Variants in TMTC2 observed in about 807,000 individuals in gnomAD.
The protein encoded by TMTC2 is protein O-mannosyl-transferase TMTC2.
Under a neutral mutation model 82.4 loss-of-function variants are expected in TMTC2, and 43 were observed. The ratio of observed to expected loss-of-function variants is 0.52; its 90% CI spans 0.41 to 0.67. TMTC2 has a LOEUF of 0.67. TMTC2 is among the 30% of genes least tolerant of loss of function. The pLI is 0.00. For missense variants in TMTC2, 919 were observed against 1,012.4 expected, an observed-to-expected ratio of 0.91 and a Z score of 1.25; for synonymous variants, 408 against 381.9, an observed-to-expected ratio of 1.07 and a Z score of -0.80.
intron 11 of TMTC2, among the ~76,000 whole-genome samples, chr12:83,072,614 C>A (rs1466692365): frequency 6.6e-6 from 1 of 152,056 alleles, no homozygotes; most frequent in Non-Finnish European, 1.5e-5. Flanking sequence ...TGAAGTCCCC[C>A]ACTATTACTA....
chr12:82,968,454 A>C (rs1265136564), intron 7 of TMTC2, among the ~76,000 whole-genome samples: 1 of 152,282 alleles, frequency 6.6e-6, no homozygotes, highest in East Asian at 1.9e-4. Flanking sequence ...TTTGTGTCAA[A>C]ATAAATGCTG....
At chr12:82,846,333 G>A (rs1348926002) in intron 1 of TMTC2, among the ~76,000 whole-genome samples, 1 of 152,002 alleles carries the variant, frequency 6.6e-6, no homozygotes, top group East Asian at 1.9e-4. Context: ...ACTCCAGCCT[G>A]GGCAACAGAA....
chr12:82,786,841 T>C (rs925645270), intron 1 of TMTC2, among the ~76,000 whole-genome samples: 1 of 152,172 alleles, frequency 6.6e-6, no homozygotes, highest in African/African-American at 2.4e-5. Flanking sequence ...TAAAAGTTTT[T>C]GTTTTTGTTA....
At chr12:83,123,561 C>G (rs1312765398) in intron 11 of TMTC2, among the ~76,000 whole-genome samples, 1 of 152,066 alleles carries the variant, frequency 6.6e-6, no homozygotes, top group Non-Finnish European at 1.5e-5. Context: ...TTGTGAAGAT[C>G]ATTTGTTTAA....
At chr12:83,047,295 A>G (rs568084098) in intron 9 of TMTC2, among the ~76,000 whole-genome samples, 3 of 152,306 alleles carry the variant, frequency 2.0e-5, no homozygotes, top group Admixed American at 6.5e-5. Context: ...CCCCAATAAC[A>G]TATCACTTTA....
chr12:83,072,730 A>G (rs541833301), intron 11 of TMTC2, among the ~76,000 whole-genome samples: 5 of 152,234 alleles, frequency 3.3e-5, no homozygotes, highest in African/African-American at 1.2e-4. Context: ...CTGGTGGACA[A>G]GGCCTTTTAC....
At chr12:83,104,643 C>T (rs2137537410) in intron 11 of TMTC2, among the ~76,000 whole-genome samples, 1 of 152,312 alleles carries the variant, frequency 6.6e-6, no homozygotes, top group Middle Eastern at 3.4e-3. Context: ...CTGGGCAAGG[C>T]TCTTGAACCC....
chr12:82,757,643 T>G (rs936940232), intron 1 of TMTC2, among the ~76,000 whole-genome samples: 2 of 152,226 alleles, frequency 1.3e-5, no homozygotes, highest in African/African-American at 2.4e-5. Context: ...TTGCTCCTTA[T>G]TTGTATATTT....
intron 1 of TMTC2, among the ~76,000 whole-genome samples, chr12:82,774,630 A>G (rs1877489509): frequency 7.0e-6 from 1 of 143,164 alleles, no homozygotes; most frequent in South Asian, 2.2e-4. Flanking sequence ...AAAAAAAAGA[A>G]CAATTTTTTT....
intron 1 of TMTC2, among the ~76,000 whole-genome samples, chr12:82,846,147 T>C (rs1870660553): frequency 6.6e-6 from 1 of 152,026 alleles, no homozygotes; most frequent in African/African-American, 2.4e-5. Flanking sequence ...TCACTTGAGG[T>C]CAGGAGTTCG....
chr12:82,935,751 G>C (rs958060584), intron 4 of TMTC2, among the ~76,000 whole-genome samples: 4 of 152,072 alleles, frequency 2.6e-5, no homozygotes, highest in African/African-American at 9.7e-5. Flanking sequence ...ATCAATTCTT[G>C]ATTATCTTAC....
intron 1 of TMTC2, among the ~76,000 whole-genome samples, chr12:82,723,136 T>C (rs558654142): frequency 5.5e-4 from 84 of 152,334 alleles, no homozygotes; most frequent in African/African-American, 1.9e-3. Flanking sequence ...ATCATTTGAC[T>C]TAAAGGAGAA....
In TMTC2 at chr12:83,132,376, C is replaced by G. The variant is rs1388131036; in HGVS notation, c.2498C>G (p.Thr833Ser). Residue 833 changes from threonine (T) to serine (S), a missense_variant, in exon 12 of 12, where the codon ACT (threonine) becomes AGT (serine). Thr to Ser is a moderately conservative substitution (Grantham distance 58, BLOSUM62 1). Coordinates refer to ENST00000321196, the MANE Select transcript of TMTC2 (RefSeq NM_152588.3). The stretch of plus-strand genomic sequence containing the variant: ...ATCATGGAAAAACAAGGCTTAAAGA[C>G]TTCTAAGACCTGACACAGGAGGCAG... ...WNIMEKQGLK[T>S]SKT 1.9e-6 allele frequency: 3 copies of G among 1,613,616 alleles called. No individual in the cohort carries two copies. Among genetic ancestry groups the G allele is most frequent in the African/African-American group, 2.7e-5 (2 of 74,876 alleles).
intron 2 of TMTC2, among the ~76,000 whole-genome samples, chr12:82,891,141 A>G (rs947261116): frequency 6.6e-6 from 1 of 152,170 alleles, no homozygotes; most frequent in Admixed American, 6.6e-5. Context: ...AAAATTTGCT[A>G]ATTTGATTTA....
In TMTC2 at chr12:82,765,812, GAAA is replaced by G. The variant is rs1460630101; in HGVS notation, c.83+78145_83+78147del. Among the ~76,000 whole-genome samples, 5 of 152,098 alleles carry G rather than the reference GAAA, an allele frequency of 3.3e-5. No individual in the cohort carries two copies. The East Asian group carries it at 9.7e-4, about 29-fold the overall frequency. The stretch of plus-strand genomic sequence containing the variant: ...GCTCAAAAAGTATTTGTCAGAAAAA[GAAA>G]AGAAGAAAAGGAATGAAGAATCTAT... On this transcript the variant is annotated intron_variant, in intron 1 of 11. Coordinates refer to ENST00000321196, the MANE Select transcript of TMTC2 (RefSeq NM_152588.3).
Position 82,719,831 on chromosome 12 carries a change from G to A in TMTC2, c.83+32162G>A, listed in dbSNP as rs566414136. On this transcript the variant is annotated intron_variant, in intron 1 of 11. Transcript: ENST00000321196. ...TAGATTCTTACTTAACTGCATAATG[G>A]AAATGTTTTCTGTATGCTACGAGAG... 3.2e-4 allele frequency among the ~76,000 whole-genome samples: 49 copies of A among 152,290 alleles called. 1 individual carries two copies. Among genetic ancestry groups the A allele is most frequent in the African/African-American group, 1.0e-3 (43 of 41,544 alleles).
intron 1 of TMTC2, among the ~76,000 whole-genome samples, chr12:82,797,338 C>T (rs4565970): frequency 0.11 from 17,144 of 152,154 alleles, 1,378 homozygotes; most frequent in East Asian, 0.3. Flanking sequence ...GTTTTATTCA[C>T]CAAGACAATT....
chr12:82,844,864 T>C (rs768950365), intron 1 of TMTC2, among the ~76,000 whole-genome samples: 1 of 151,778 alleles, frequency 6.6e-6, no homozygotes, highest in Non-Finnish European at 1.5e-5. Flanking sequence ...TCGAACTTCA[T>C]TAAAAAAAGT....
At position 82,758,323 on chromosome 12, in the gene TMTC2, TATA is replaced by T. The variant is rs1211925034; in HGVS notation, c.83+70657_83+70659del. Among the ~76,000 whole-genome samples the T allele has an allele frequency of 4.6e-5, 7 of 152,306 alleles. No homozygotes were observed. In the East Asian group the frequency reaches 1.3e-3, roughly 29 times the overall value. ...CTGTCATTTGCTTTTTAAAACTCAA[TATA>T]ATGTTTTAAAAAGTTATCTTTGTTG... On this transcript the variant is annotated intron_variant, in intron 1 of 11. Transcript: ENST00000321196.
Sources: allele counts gnomAD v4.1 joint callset (sites outside exome capture counted in the v4.1 genomes callset), GRCh38; gene constraint gnomAD v4.1.1; transcripts MANE v1.5; gene names NCBI Gene and HGNC (gene_info 2026-07-23, HGNC 2026-07-21).